RSAD2: variants seen among roughly 807,000 people sequenced by gnomAD.
RSAD2 encodes radical S-adenosyl methionine domain containing 2.
RSAD2 carries 38 observed loss-of-function variants against 37.7 expected under a neutral mutation model. The ratio of observed to expected loss-of-function variants is 1.01; its 90% confidence interval spans 0.78 to 1.32. RSAD2 has a LOEUF of 1.32. RSAD2 is among the 40% of genes most tolerant of loss of function. The probability of loss-of-function intolerance (pLI) is 0.00; values close to 1 mark genes in which losing one functional copy is unlikely to be tolerated. For missense variants in RSAD2, 428 were observed against 437.5 expected (o/e 0.98, Z 0.19); for synonymous variants, 163 against 157.4 (o/e 1.04, Z -0.27).
upstream of RSAD2, among the ~76,000 whole-genome samples, chr2:6,873,595 A>G (rs1249776468): frequency 6.6e-6 from 1 of 152,172 alleles, no homozygotes; most frequent in African/African-American, 2.4e-5. Flanking sequence ...ACTGAACTTT[A>G]AAAAGTTCAG....
At chr2:6,870,891 CA>C (rs1324891436) in intron 1 of RSAD2, among the ~76,000 whole-genome samples, 8 of 152,182 alleles carry the variant, frequency 5.3e-5, no homozygotes, top group Non-Finnish European at 1.0e-4. Flanking sequence ...TCTGGCACTC[CA>C]GCTGGATTTA....
intron 2 of RSAD2, among the ~76,000 whole-genome samples, chr2:6,885,190 C>G (rs1015241180): frequency 2.0e-5 from 3 of 152,204 alleles, no homozygotes; most frequent in Non-Finnish European, 4.4e-5. Context: ...GACACAGGCT[C>G]TGAGTCCTTC....
intron 5 of RSAD2, among the ~76,000 whole-genome samples, chr2:6,894,695 C>T (rs1663703187): frequency 6.6e-6 from 1 of 152,216 alleles, no homozygotes; most frequent in Admixed American, 6.5e-5. Context: ...GCCTCTAACA[C>T]TTGGGCCTCC....
Position 6,883,356 on chromosome 2 carries a change from T to C in RSAD2, c.347-15T>C. ...TATTTGTGAAGTGGTAAAATTCATG[T>C]ATCACCTTGCACAGGTATGGAGAAG... On this transcript the variant is annotated splice_polypyrimidine_tract_variant and intron_variant, in intron 1 of 5. Transcript: ENST00000382040. 1.9e-6 allele frequency: 3 copies of C among 1,611,688 alleles called. No individual in the cohort carries two copies. The highest frequency in any genetic ancestry group is 2.5e-6 in the Non-Finnish European group (3 of 1,178,346).
upstream of RSAD2, among the ~76,000 whole-genome samples, chr2:6,874,201 A>T (rs1034302000): frequency 1.3e-5 from 2 of 152,004 alleles, no homozygotes; most frequent in African/African-American, 4.8e-5. Flanking sequence ...TCCTTCTGTC[A>T]TGATTTTAAG....
At chr2:6,891,141 C>G (rs1663621985) in intron 4 of RSAD2, among the ~76,000 whole-genome samples, 1 of 151,560 alleles carries the variant, frequency 6.6e-6, no homozygotes, top group Non-Finnish European at 1.5e-5. Flanking sequence ...CAATAAGAAT[C>G]TATGAACACC....
chr2:6,886,938 A>G lies in RSAD2; in HGVS notation c.512A>G (p.Glu171Gly), dbSNP rs369027364. 8 of 1,612,534 alleles carry G rather than the reference A, an allele frequency of 5.0e-6. No homozygotes were observed. In the African/African-American group the frequency reaches 9.3e-5, roughly 19 times the overall value. The change falls in exon 3 of 6, where the codon GAG becomes GGG. Residue 171 changes from glutamate (E) to glycine (G), a missense_variant. By Grantham distance (98) the Glu-to-Gly change is moderately conservative (BLOSUM62 -2). Coordinates refer to ENST00000382040, the MANE Select transcript of RSAD2 (RefSeq NM_080657.5). The part of the protein sequence containing the change: ...IRERWFQNYG[E>G]YLDILAISCD... Reference sequence around the variant, plus strand: ...AAACATGATCATTTTCCCTCAGGTGAGTATTTGGACATTCTCGCTATCTCC... The same window carrying G: ...AAACATGATCATTTTCCCTCAGGTGGGTATTTGGACATTCTCGCTATCTCC...
rs1394466012 is a variant in RSAD2 at position 6,898,220 on chromosome 2, T to C, written c.*2278T>C. On this transcript the variant is annotated 3_prime_UTR_variant, in exon 6 of 6. Transcript: ENST00000382040. Reference sequence around the variant, plus strand: ...AATGTAATGTAAAGTGAAATAAAACTATAAGCTATGTTAAATACATTTTCA... The same window carrying C: ...AATGTAATGTAAAGTGAAATAAAACCATAAGCTATGTTAAATACATTTTCA... The C allele has an allele frequency of 1.3e-5, 2 of 152,206 alleles. No homozygotes were observed. The highest frequency in any genetic ancestry group is 1.5e-5 in the Non-Finnish European group (1 of 68,042). The allele number at this position is 152,206 out of a possible 1,614,324, so 9.4% of individuals were successfully genotyped here. A position where few individuals can be genotyped will look rare whatever the true frequency, so the allele number is the denominator to read the frequency against.
intron 4 of RSAD2, 58 bp from the exon 5 acceptor site, chr2:6,893,613 A>G (rs533964703): frequency 4.0e-5 from 53 of 1,330,602 alleles, no homozygotes; most frequent in Middle Eastern, 3.6e-4. Context: ...TGGACAATTG[A>G]GCTCACATAC....
chr2:6,880,261 G>T (rs1434665029), intron 1 of RSAD2, among the ~76,000 whole-genome samples: 1 of 152,164 alleles, frequency 6.6e-6, no homozygotes, highest in Non-Finnish European at 1.5e-5. Flanking sequence ...CACAGTCAAG[G>T]ACAGGTTTAT....
At chr2:6,881,213 G>GTTTTT (rs1663392675) in intron 1 of RSAD2, among the ~76,000 whole-genome samples, 1 of 152,036 alleles carries the variant, frequency 6.6e-6, no homozygotes, top group Non-Finnish European at 1.5e-5. Flanking sequence ...GTTTTGTTTT[G>GTTTTT]TTTTCGGGTT....
intron 5 of RSAD2, 44 bp from the exon 6 acceptor site, chr2:6,895,734 T>C (rs768107753): frequency 6.5e-7 from 1 of 1,549,076 alleles, no homozygotes; most frequent in Admixed American, 1.8e-5. Flanking sequence ...TTTTACAGGA[T>C]TCATCACATG....
chr2:6,867,330 C>A (rs563439616), intron 1 of RSAD2, among the ~76,000 whole-genome samples: 24 of 152,254 alleles, frequency 1.6e-4, no homozygotes, highest in African/African-American at 5.8e-4. Flanking sequence ...GCGTGCAGAC[C>A]GCCTCCTTCT....
chr2:6,882,982 C>T (rs954737745), intron 1 of RSAD2, among the ~76,000 whole-genome samples: 3 of 152,164 alleles, frequency 2.0e-5, no homozygotes, highest in African/African-American at 4.8e-5. Context: ...GTGGGCGATG[C>T]GGAATCCAGG....
chr2:6,896,778 CA>C lies in RSAD2; in HGVS notation c.*840del, dbSNP rs1663784556. Reference sequence around the variant, plus strand: ...TCCCTTTCTCTTCAAAGATCCTGAGCAAAACAAAGATACGCTTTCCATTTGA... The same window carrying C: ...TCCCTTTCTCTTCAAAGATCCTGAGCAAACAAAGATACGCTTTCCATTTGA... On this transcript the variant is annotated 3_prime_UTR_variant, in exon 6 of 6. Transcript: ENST00000382040. 1 of 152,140 alleles carries C rather than the reference CA, an allele frequency of 6.6e-6. No individual in the cohort carries two copies. Among genetic ancestry groups the C allele is most frequent in the Admixed American group, 6.5e-5 (1 of 15,274 alleles). 9.4% of individuals were successfully genotyped at this position (152,140 alleles called of 1,614,324 possible).
upstream of RSAD2, among the ~76,000 whole-genome samples, chr2:6,873,653 T>G (rs779975778): frequency 2.6e-5 from 4 of 152,226 alleles, no homozygotes; most frequent in Non-Finnish European, 5.9e-5. Flanking sequence ...GTCTTCTGAT[T>G]ATCACTTTGC....
upstream of RSAD2, among the ~76,000 whole-genome samples, chr2:6,875,528 C>T (rs993537953): frequency 2.0e-5 from 3 of 152,152 alleles, no homozygotes; most frequent in African/African-American, 4.8e-5. Flanking sequence ...TCCTAATCTT[C>T]ACCTATTCTT....
upstream of RSAD2, among the ~76,000 whole-genome samples, chr2:6,875,221 AC>A (rs1663261991): frequency 6.6e-6 from 1 of 152,202 alleles, no homozygotes; most frequent in Admixed American, 6.5e-5. Context: ...CTACCTGTAG[AC>A]TGGACTGGAT....
chr2:6,886,661 C>T (rs1438670127), intron 2 of RSAD2, among the ~76,000 whole-genome samples: 1 of 152,234 alleles, frequency 6.6e-6, no homozygotes, highest in Non-Finnish European at 1.5e-5. Flanking sequence ...TGAAAAACCT[C>T]ATTTAAATAT....
Sources: gnomAD v4.1 joint callset for allele counts (sites outside exome capture counted in the v4.1 genomes callset) on GRCh38, gnomAD v4.1.1 for gene constraint, MANE v1.5 for transcripts, NCBI Gene and HGNC (gene_info 2026-07-23, HGNC 2026-07-21) for gene names.